Variants in PTCH1 observed in about 807,000 individuals in gnomAD.
PTCH1 encodes the protein patched 1.
PTCH1 carries 14 observed loss-of-function variants against 144.6 expected under a neutral mutation model. The ratio of observed to expected loss-of-function variants is 0.10; its 90% CI spans 0.06 to 0.15. PTCH1 has a LOEUF of 0.15. Ranked by LOEUF, PTCH1 falls within the 10% of genes least tolerant of loss-of-function variation. PTCH1 has a pLI of 1.00. For missense variants in PTCH1, 1,623 were observed against 1,948.3 expected (o/e 0.83, Z 3.14); for synonymous variants, 833 against 793.6 (o/e 1.05, Z -0.83).
chr9:95,478,106 T>A lies in PTCH1; in HGVS notation c.1296A>T (p.Lys432Asn), dbSNP rs1564051490. ...GGATGACACTGACGTCAGAGAAGGA[T>A]TTCAGGATGTCGTCCAGGGTCGTGG... ...FTTTTLDDIL[K>N]SFSDVSVIRV... is the part of the protein sequence containing the mutation. The change falls in exon 9 of 24, where the codon AAA (lysine) becomes AAT (asparagine). Residue 432 changes from lysine (K) to asparagine (N), a missense_variant. By Grantham distance (94) the Lys-to-Asn change is moderately conservative. This residue lies in a region of PTCH1 where 230 missense variants were observed against 271.0 expected (regional missense o/e 0.85). Coordinates refer to ENST00000331920, the MANE Select transcript of PTCH1 (RefSeq NM_000264.5). The A allele has an allele frequency of 1.2e-6, 2 of 1,614,122 alleles. No homozygotes were observed. The highest frequency in any genetic ancestry group is 1.7e-6 in the Non-Finnish European group (2 of 1,180,034).
intron 2 of PTCH1, among the ~76,000 whole-genome samples, chr9:95,498,211 A>T (rs1375756616): frequency 6.6e-6 from 1 of 152,208 alleles, no homozygotes; most frequent in Non-Finnish European, 1.5e-5. Flanking sequence ...ATTTATCCGA[A>T]CAATAATAAA....
chr9:95,470,314 G>A (rs375475946), intron 12 of PTCH1, among the ~76,000 whole-genome samples: 5 of 152,134 alleles, frequency 3.3e-5, no homozygotes, highest in Admixed American at 2.0e-4. Context: ...GAGGTCACGC[G>A]ACCCTGATTT....
intron 12 of PTCH1, among the ~76,000 whole-genome samples, chr9:95,471,836 C>T (rs377654396): frequency 2.0e-5 from 3 of 152,298 alleles, no homozygotes; most frequent in East Asian, 3.9e-4. Context: ...GGTTGGAGTT[C>T]GAGACCAGCC....
chr9:95,511,404 C>A (rs991128180), upstream of PTCH1, among the ~76,000 whole-genome samples: 2 of 152,246 alleles, frequency 1.3e-5, no homozygotes, highest in African/African-American at 4.8e-5. Flanking sequence ...CCCCGACCCC[C>A]TAACCCGCAA....
chr9:95,484,047 A>C (rs533562215), intron 3 of PTCH1: 25 of 152,352 alleles, frequency 1.6e-4, no homozygotes, highest in African/African-American at 5.8e-4. Flanking sequence ...CATGTTCTTA[A>C]AGTTCATTCC....
At position 95,505,628 on chromosome 9, in the gene PTCH1, C is replaced by T. The variant is rs573136535; in HGVS notation, c.394+779G>A. Among the ~76,000 whole-genome samples the T allele has an allele frequency of 4.6e-5, 7 of 152,274 alleles. No homozygotes were observed. The South Asian group carries it at 1.5e-3, about 32-fold the overall frequency. On this transcript the variant is annotated intron_variant, in intron 2 of 23. Transcript: ENST00000331920. ...TCCCTTCAACCCCGCGTTCTTAAAA[C>T]ATTTCTTTTCTTTGCCTGCAAAATG... is the stretch of plus-strand genomic sequence containing the variant.
chr9:95,451,050 A>T (rs1564011058), intron 20 of PTCH1: 1 of 152,234 alleles, frequency 6.6e-6, no homozygotes, highest in East Asian at 1.9e-4. Context: ...TGGTTCATAA[A>T]ATGGAACAGG....
At chr9:95,461,420 C>T (rs1029116641) in intron 16 of PTCH1, among the ~76,000 whole-genome samples, 7 of 152,320 alleles carry the variant, frequency 4.6e-5, no homozygotes, top group Admixed American at 2.0e-4. Flanking sequence ...AATCTCCTAA[C>T]CCACCCACCT....
intron 2 of PTCH1, among the ~76,000 whole-genome samples, chr9:95,486,128 A>G (rs1437883060): frequency 6.6e-6 from 1 of 151,380 alleles, no homozygotes; most frequent in Non-Finnish European, 1.5e-5. Flanking sequence ...TAACTAATAC[A>G]CTGTGTGACG....
intron 15 of PTCH1, among the ~76,000 whole-genome samples, chr9:95,464,409 A>T (rs1444049045): frequency 6.6e-6 from 1 of 152,228 alleles, no homozygotes; most frequent in Non-Finnish European, 1.5e-5. Context: ...TATCTTAGCT[A>T]GAAGTTCTCC....
intron 2 of PTCH1, chr9:95,494,370 C>T (rs1842654284): frequency 1.0e-6 from 1 of 985,506 alleles, no homozygotes; most frequent in Non-Finnish European, 1.2e-6. Context: ...GTTCCCGAGA[C>T]GACGCTGCAT....
In PTCH1 at chr9:95,506,598, C is replaced by T. The variant is rs757430199; in HGVS notation, c.203G>A (p.Gly68Glu). The T allele has an allele frequency of 2.2e-5, 36 of 1,610,926 alleles. No homozygotes were observed. Among genetic ancestry groups the T allele is most frequent in the Non-Finnish European group, 3.1e-5 (36 of 1,178,754 alleles). The change falls in exon 2 of 24, where the codon GGG (glycine) becomes GAG (glutamate). Residue 68 changes from glycine to glutamate, a missense_variant and splice_region_variant. Physicochemically the swap from Gly to Glu is moderately conservative, Grantham distance 98. Coordinates refer to ENST00000331920, the MANE Select transcript of PTCH1 (RefSeq NM_000264.5). The stretch of plus-strand genomic sequence containing the variant: ...CGGCGCTTTCCGGCCAGTAGCCTTC[C>T]CCTGGGGACGAAGCAGAAGGGAGGA... Reference protein sequence around the residue: ...AAFALEQISKGKATGRKAPLW... With the variant: ...AAFALEQISKEKATGRKAPLW...
At chr9:95,486,446 C>G (rs1032241732) in intron 2 of PTCH1, among the ~76,000 whole-genome samples, 15 of 152,254 alleles carry the variant, frequency 9.9e-5, no homozygotes, top group African/African-American at 3.1e-4. Flanking sequence ...GAGGAACAAA[C>G]TGTATCAGCC....
chr9:95,449,811 C>T lies in PTCH1; in HGVS notation c.3549+30G>A, dbSNP rs370526540. On this transcript the variant is annotated intron_variant, in intron 21 of 23. Transcript: ENST00000331920. This position sits in a 1 kb window ranked among gnomAD's most constrained non-coding sequence, Gnocchi z 5.3. ...GGAAACACAGCATTCAGCCGGCCTACACGTGGGACATCCCCGTGTCACTAC... is the reference window on the plus strand; with the variant it reads ...GGAAACACAGCATTCAGCCGGCCTATACGTGGGACATCCCCGTGTCACTAC... 1.7e-4 allele frequency: 266 copies of T among 1,573,508 alleles called. 5 individuals are homozygous for T. Among genetic ancestry groups the T allele is most frequent in the Middle Eastern group, 1.7e-3 (10 of 5,990 alleles).
intron 12 of PTCH1, among the ~76,000 whole-genome samples, 199 bp from the exon 13 acceptor site, chr9:95,470,130 G>A (rs1840431101): frequency 6.6e-6 from 1 of 152,142 alleles, no homozygotes; most frequent in African/African-American, 2.4e-5. Context: ...GACTGTTTCT[G>A]GGCCTTTCTA....
chr9:95,464,861 G>A (rs1839856906), intron 15 of PTCH1, among the ~76,000 whole-genome samples: 1 of 152,152 alleles, frequency 6.6e-6, no homozygotes, highest in Non-Finnish European at 1.5e-5. Context: ...TGTAGAAAAT[G>A]TTCAAACACC....
Position 95,476,026 on chromosome 9 carries a change from A to C in PTCH1, c.1728+8T>G, listed in dbSNP as rs864622243. ...GGATCACCACAGCCTTCATCACCAG[A>C]AGCTCACCTGGAGGGAGAACGCCCG... On this transcript the variant is annotated splice_region_variant and intron_variant, in intron 12 of 23. Coordinates refer to ENST00000331920, the MANE Select transcript of PTCH1 (RefSeq NM_000264.5). The surrounding 1 kb of genome is among the most constrained non-coding windows in gnomAD (Gnocchi z 4.6). 8.1e-6 allele frequency: 13 copies of C among 1,613,586 alleles called. No homozygotes were observed. The highest frequency in any genetic ancestry group is 1.3e-5 in the African/African-American group (1 of 75,040).
chr9:95,506,943 G>C, intron 1 of PTCH1: 1 of 1,034,074 alleles, frequency 9.7e-7, no homozygotes, highest in Non-Finnish European at 1.2e-6. Context: ...TCACCCCAGA[G>C]CTGAGAAGGG....
At position 95,449,474 on chromosome 9, in the gene PTCH1, C is replaced by T; in HGVS notation, c.3550-151G>A. The T allele has an allele frequency of 9.0e-7, 1 of 1,116,994 alleles. No homozygotes were observed. Among genetic ancestry groups the T allele is most frequent in the African/African-American group, 1.5e-5 (1 of 64,688 alleles). The allele number at this position is 1,116,994 out of a possible 1,614,324, so 69.2% of individuals were successfully genotyped here. On this transcript the variant is annotated intron_variant, in intron 21 of 23. Transcript: ENST00000331920. This position sits in a 1 kb window ranked among gnomAD's most constrained non-coding sequence, Gnocchi z 5.3. ...GTATTAACCTCCCCTTCTCTACCACCTGGAGGACCTTCAGGTCCCGCAGCT... is the reference window on the plus strand; with the variant it reads ...GTATTAACCTCCCCTTCTCTACCACTTGGAGGACCTTCAGGTCCCGCAGCT...
Sources: gnomAD v4.1 joint callset for allele counts (sites outside exome capture counted in the v4.1 genomes callset) on GRCh38, gnomAD v4.1.1 for gene constraint, gnomAD v4.1.1 regional missense constraint, Gnocchi (gnomAD v3.1) non-coding constraint, MANE v1.5 for transcripts, NCBI Gene and HGNC (gene_info 2026-07-23, HGNC 2026-07-21) for gene names.